MROH7: variants seen among roughly 807,000 people sequenced by gnomAD.
The protein encoded by MROH7 is maestro heat like repeat family member 7, also known as maestro heat-like repeat-containing protein family member 7.
Under a neutral mutation model 129.2 loss-of-function variants are expected in MROH7, and 113 were observed. The observed-to-expected ratio is 0.87, with a 90% confidence interval of 0.75 to 1.02. MROH7 has a LOEUF of 1.02. MROH7 is among the 50% of genes least tolerant of loss of function. The pLI is 0.00. For missense variants in MROH7, 1,601 were observed against 1,671.3 expected (o/e 0.96, Z 0.73); for synonymous variants, 655 against 667.9 (o/e 0.98, Z 0.30).
chr1:54,658,044 A>G (rs907518483), intron 3 of MROH7, among the ~76,000 whole-genome samples: 1 of 152,146 alleles, frequency 6.6e-6, no homozygotes, highest in African/African-American at 2.4e-5. Context: ...TTTCCTCTCC[A>G]TAACTCTTCA....
intron 17 of MROH7, chr1:54,697,527 T>TC: frequency 1.7e-6 from 1 of 587,624 alleles, no homozygotes; most frequent in Admixed American, 2.4e-5. Flanking sequence ...TCCATCCAGT[T>TC]CTAACTCCAA....
intron 7 of MROH7, 148 bp downstream of exon 7, chr1:54,671,077 A>G (rs189493806): frequency 2.0e-4 from 185 of 928,994 alleles, no homozygotes; most frequent in African/African-American, 8.5e-4. Flanking sequence ...TAAATGGTGA[A>G]GGGATGAATC....
At chr1:54,679,710 A>G (rs955076793) in intron 12 of MROH7, among the ~76,000 whole-genome samples, 181 bp from the exon 13 acceptor site, 7 of 152,108 alleles carry the variant, frequency 4.6e-5, no homozygotes, top group African/African-American at 1.7e-4. Context: ...CATAGTAAAG[A>G]GAAACTGGCT....
chr1:54,705,393 T>A (rs1406327388), intron 21 of MROH7, among the ~76,000 whole-genome samples: 1 of 152,190 alleles, frequency 6.6e-6, no homozygotes, highest in East Asian at 1.9e-4. Flanking sequence ...AAATGGCCCC[T>A]TCTCTTGGGG....
intron 3 of MROH7, among the ~76,000 whole-genome samples, chr1:54,655,017 T>C (rs1463291670): frequency 7.4e-5 from 7 of 94,118 alleles, no homozygotes; most frequent in Non-Finnish European, 1.7e-4. Context: ...AGAATCCTAT[T>C]TTTTTTTTTT....
chr1:54,652,705 G>A (rs1644575644), intron 2 of MROH7, 148 bp from the exon 3 acceptor site: 6 of 513,284 alleles, frequency 1.2e-5, no homozygotes, highest in Non-Finnish European at 1.7e-5. Flanking sequence ...GAGGCAAGTG[G>A]CAAGTGATGG....
In MROH7 at chr1:54,701,307, GC is replaced by G; in HGVS notation, c.3272del (p.Pro1091ArgfsTer46). Reference protein sequence around the residue: ...VYVEMLQILLPHFSDAREVVR... With the variant: ...VYVEMLQILLXHFSDAREVVR... Reference sequence around the variant, plus strand: ...ATGTGGAGATGCTGCAGATCCTGCTGCCGCACTTCAGCGACGTGAGGACCTC... The same window carrying G: ...ATGTGGAGATGCTGCAGATCCTGCTGCGCACTTCAGCGACGTGAGGACCTC... On this transcript the variant is annotated frameshift_variant, in exon 19 of 24. Transcript: ENST00000421030. LOFTEE classifies it high-confidence loss of function. The G allele has an allele frequency of 6.3e-7, 1 of 1,596,536 alleles. No homozygotes were observed. The highest frequency in any genetic ancestry group is 8.6e-7 in the Non-Finnish European group (1 of 1,168,432).
At chr1:54,699,650 C>T (rs1351194580) in intron 17 of MROH7, 2 of 170,024 alleles carry the variant, frequency 1.2e-5, no homozygotes, top group Non-Finnish European at 2.5e-5. Context: ...AGTCCCTGAG[C>T]ACATATTCCG....
intron 6 of MROH7, 104 bp from the exon 7 acceptor site, chr1:54,670,696 T>C: frequency 1.5e-6 from 2 of 1,309,826 alleles, no homozygotes; most frequent in Non-Finnish European, 2.1e-6. Context: ...CCGGTGCCTT[T>C]TCCCCTCCCC....
chr1:54,663,818 A>G (rs1644772085), intron 3 of MROH7: 1 of 452,260 alleles, frequency 2.2e-6, no homozygotes, highest in Non-Finnish European at 4.4e-6. Context: ...CTTTTCTCCA[A>G]GGAGCCTTGT....
chr1:54,698,266 T>G (rs1404740829), intron 17 of MROH7: 2 of 154,686 alleles, frequency 1.3e-5, no homozygotes, highest in Non-Finnish European at 2.9e-5. Flanking sequence ...CTTGACCACC[T>G]CCTAGAGTGG....
chr1:54,650,593 C>G (rs1205254436), intron 1 of MROH7, among the ~76,000 whole-genome samples: 1 of 151,284 alleles, frequency 6.6e-6, no homozygotes. Context: ...CTTCTCTTAC[C>G]TCTCCTTTCT....
At chr1:54,651,592 G>C in intron 1 of MROH7, 1 of 152,316 alleles carries the variant, frequency 6.6e-6, no homozygotes, top group East Asian at 1.9e-4. Flanking sequence ...GGTGAAAAGG[G>C]GACTGGGGCC....
At chr1:54,682,589 C>G in intron 13 of MROH7, 67 bp from the exon 14 acceptor site, 1 of 1,529,330 alleles carries the variant, frequency 6.5e-7, no homozygotes, top group African/African-American at 1.4e-5. Context: ...CTCCCAAAAC[C>G]ATTTGGAGGC....
At chr1:54,704,523 C>T (rs1402640119) in intron 21 of MROH7, among the ~76,000 whole-genome samples, 1 of 151,016 alleles carries the variant, frequency 6.6e-6, no homozygotes, top group Admixed American at 6.6e-5. Context: ...CTGCAACCTC[C>T]ACCTTAGGGG....
intron 14 of MROH7, among the ~76,000 whole-genome samples, chr1:54,684,825 C>G (rs994780037): frequency 2.0e-5 from 3 of 152,172 alleles, no homozygotes; most frequent in Non-Finnish European, 2.9e-5. Context: ...TCTATCTTAC[C>G]TGTTGAGAAA....
At chr1:54,651,230 T>C (rs1216042411) in intron 1 of MROH7, 1 of 152,260 alleles carries the variant, frequency 6.6e-6, no homozygotes, top group Non-Finnish European at 1.5e-5. Flanking sequence ...GGTGCTATAC[T>C]AGACATTAGA....
chr1:54,702,203 C>A lies in MROH7; in HGVS notation c.3399C>A (p.Pro1133=). 6.3e-7 allele frequency: 1 copy of A among 1,590,986 alleles called. No homozygotes were observed. The highest frequency in any genetic ancestry group is 8.6e-7 in the Non-Finnish European group (1 of 1,169,490). ...AGCAGCTGGTCAGCACCTTGGTGCC[C>A]CTACTGCTGACCATGCAGGAGGGCA... The part of the protein sequence containing the change: ...MEEQLVSTLV[P]LLLTMQEGNS... Residue 1133 remains proline (P), a synonymous_variant, in exon 20 of 24, where the codon CCC becomes CCA. Transcript: ENST00000421030.
intron 21 of MROH7, among the ~76,000 whole-genome samples, chr1:54,705,551 G>T (rs1409028391): frequency 4.6e-5 from 7 of 152,220 alleles, no homozygotes; most frequent in African/African-American, 1.7e-4. Context: ...GCTTCAGGAA[G>T]GAGGTGGCAT....
Sources: allele counts gnomAD v4.1 joint callset (sites outside exome capture counted in the v4.1 genomes callset), GRCh38; gene constraint gnomAD v4.1.1; transcripts MANE v1.5; gene names NCBI Gene and HGNC (gene_info 2026-07-23, HGNC 2026-07-21).